NPAS3: variants seen among roughly 807,000 people sequenced by gnomAD.
NPAS3 encodes the protein neuronal PAS domain-containing protein 3.
Under a neutral mutation model 73.1 loss-of-function variants are expected in NPAS3, and 14 were observed. That is an observed-to-expected ratio of 0.19 (90% CI 0.13 to 0.30). NPAS3 has a LOEUF of 0.30. Among genes scored for constraint, NPAS3 ranks in the 10% least tolerant of loss-of-function variants. NPAS3 has a pLI of 1.00. For synonymous variants in NPAS3, 620 were observed against 541.5 expected (o/e 1.14, Z -2.01); for missense variants, 1,096 against 1,250.0 (o/e 0.88, Z 1.86).
At chr14:33,744,857 G>A (rs2061748319) in intron 7 of NPAS3, among the ~76,000 whole-genome samples, 1 of 152,078 alleles carries the variant, frequency 6.6e-6, no homozygotes, top group African/African-American at 2.4e-5. Context: ...AAAATGTGAT[G>A]CAGAGATGAA....
At chr14:33,515,024 C>T (rs879572384) in intron 4 of NPAS3, among the ~76,000 whole-genome samples, 2 of 152,102 alleles carry the variant, frequency 1.3e-5, no homozygotes, top group South Asian at 2.1e-4. Context: ...GAGATTATGA[C>T]TTGCCCAATG....
intron 2 of NPAS3, among the ~76,000 whole-genome samples, chr14:33,145,357 A>G (rs1194651831): frequency 6.6e-6 from 1 of 152,226 alleles, no homozygotes; most frequent in Admixed American, 6.5e-5. Context: ...GGAAAGTTAG[A>G]AAGTTACAAA....
intron 4 of NPAS3, among the ~76,000 whole-genome samples, chr14:33,546,974 G>A (rs529100530): frequency 9.2e-5 from 14 of 152,292 alleles, no homozygotes; most frequent in South Asian, 8.3e-4. Context: ...GGCTCCTGTC[G>A]TGGCAGGAAA....
rs76804220 is a variant in NPAS3, at chr14:33,615,113, A to G, written c.558+54903A>G. Among the ~76,000 whole-genome samples the G allele has an allele frequency of 0.013, 1,999 of 152,262 alleles. 99 individuals are homozygous for G. In the East Asian group the frequency reaches 0.19, roughly 15 times the overall value. ...CATCGGTACAAAGATGGCAAAGGGC[A>G]GCACTTAGGGCAATAAGTAATCCAC... On this transcript the variant is annotated intron_variant, in intron 5 of 11. Transcript: ENST00000356141.
At chr14:33,222,264 A>G (rs1036275427) in intron 3 of NPAS3, among the ~76,000 whole-genome samples, 1 of 152,188 alleles carries the variant, frequency 6.6e-6, no homozygotes, top group Non-Finnish European at 1.5e-5. Flanking sequence ...CAGCAGTTCT[A>G]TCGTGCATGA....
At chr14:33,065,783 C>A (rs2041256826) in intron 2 of NPAS3, among the ~76,000 whole-genome samples, 1 of 151,986 alleles carries the variant, frequency 6.6e-6, no homozygotes, top group Non-Finnish European at 1.5e-5. Context: ...ACTTGCATTT[C>A]AACCATCATA....
At chr14:33,338,284 G>T (rs1295292261) in intron 3 of NPAS3, among the ~76,000 whole-genome samples, 3 of 152,058 alleles carry the variant, frequency 2.0e-5, no homozygotes, top group Non-Finnish European at 4.4e-5. Context: ...GAATTGTGCT[G>T]AATCTAATTT....
At chr14:33,111,183 G>A (rs1440617091) in intron 2 of NPAS3, among the ~76,000 whole-genome samples, 2 of 152,202 alleles carry the variant, frequency 1.3e-5, no homozygotes, top group Non-Finnish European at 2.9e-5. Flanking sequence ...GAGCCAGGCA[G>A]AAAGCCTGAA....
chr14:33,658,788 C>T (rs1180242529), intron 5 of NPAS3, among the ~76,000 whole-genome samples: 1 of 152,124 alleles, frequency 6.6e-6, no homozygotes, highest in Non-Finnish European at 1.5e-5. Context: ...CAGCATGAGA[C>T]CCATCTTCAT....
At chr14:33,755,593 G>A (rs890446569) in intron 7 of NPAS3, among the ~76,000 whole-genome samples, 12 of 152,156 alleles carry the variant, frequency 7.9e-5, no homozygotes, top group African/African-American at 9.7e-5. Context: ...CCGGGTGGGC[G>A]TGTGGGCCTT....
intron 4 of NPAS3, among the ~76,000 whole-genome samples, chr14:33,489,464 A>T (rs773723823): frequency 6.6e-6 from 1 of 152,178 alleles, no homozygotes; most frequent in Admixed American, 6.5e-5. Context: ...ACAGCAAAAA[A>T]GTTATGCAAT....
At chr14:33,142,191 CTTTTTTTTTTTTTTT>C (rs10709910) in intron 2 of NPAS3, among the ~76,000 whole-genome samples, 561 of 38,144 alleles carry the variant, frequency 0.015, 12 homozygotes, top group Non-Finnish European at 0.02. Context: ...TTTGTATAAG[CTTTTTTTTTTTTTTT>C]TTTTTTTTAC....
intron 5 of NPAS3, among the ~76,000 whole-genome samples, chr14:33,633,680 T>C (rs760504093): frequency 1.3e-5 from 2 of 152,170 alleles, no homozygotes; most frequent in Non-Finnish European, 2.9e-5. Flanking sequence ...AAGTGGTCCA[T>C]TGTTGATTGA....
chr14:33,270,740 C>A (rs563524721), intron 3 of NPAS3, among the ~76,000 whole-genome samples: 28 of 152,230 alleles, frequency 1.8e-4, no homozygotes, highest in Admixed American at 1.6e-3. Flanking sequence ...GTGGCTTTAG[C>A]CTGTTAAGCA....
intron 3 of NPAS3, among the ~76,000 whole-genome samples, chr14:33,324,128 T>A (rs1375557462): frequency 6.6e-6 from 1 of 152,202 alleles, no homozygotes; most frequent in African/African-American, 2.4e-5. Flanking sequence ...AAATTAGGAA[T>A]GACAGTTGCC....
intron 7 of NPAS3, among the ~76,000 whole-genome samples, chr14:33,741,695 A>G (rs8021602): frequency 0.03 from 4,531 of 151,808 alleles, 72 homozygotes; most frequent in African/African-American, 0.048. Flanking sequence ...TAGCTATTTT[A>G]CCAACTAGAG....
intron 4 of NPAS3, among the ~76,000 whole-genome samples, chr14:33,515,920 C>T (rs747145269): frequency 1.1e-4 from 16 of 151,994 alleles, no homozygotes; most frequent in Non-Finnish European, 1.6e-4. Context: ...GTTTAGTAAC[C>T]GACATGGATG....
At chr14:33,748,224 A>C (rs1595546004) in intron 7 of NPAS3, among the ~76,000 whole-genome samples, 2 of 152,276 alleles carry the variant, frequency 1.3e-5, no homozygotes, top group South Asian at 2.1e-4. Flanking sequence ...CTTTAAAAGA[A>C]GTTTAGAGAT....
At chr14:33,012,506 A>G (rs2039240908) in intron 1 of NPAS3, among the ~76,000 whole-genome samples, 1 of 151,354 alleles carries the variant, frequency 6.6e-6, no homozygotes, top group African/African-American at 2.4e-5. Context: ...TTCAAATTAA[A>G]TGGTGTCAGG....
Sources: gnomAD v4.1 joint callset for allele counts (sites outside exome capture counted in the v4.1 genomes callset) on GRCh38, gnomAD v4.1.1 for gene constraint, MANE v1.5 for transcripts, NCBI Gene and HGNC (gene_info 2026-07-23, HGNC 2026-07-21) for gene names.